MAP3K7CL: variants seen among roughly 807,000 people sequenced by gnomAD.
The protein encoded by MAP3K7CL is MAP3K7 C-terminal like.
MAP3K7CL carries 16 observed loss-of-function variants against 18.6 expected under a neutral mutation model. The ratio of observed to expected loss-of-function variants is 0.86; its 90% confidence interval spans 0.58 to 1.31. The LOEUF (loss-of-function observed/expected upper bound fraction) is 1.31. Ranked by LOEUF, MAP3K7CL falls within the 50% of genes most tolerant of loss-of-function variation. The probability of loss-of-function intolerance (pLI) is 0.00; values close to 1 mark genes in which losing one functional copy is unlikely to be tolerated. For synonymous variants in MAP3K7CL, 65 were observed against 66.8 expected, an observed-to-expected ratio of 0.97 and a Z score of 0.13; for missense variants, 163 against 174.4, an observed-to-expected ratio of 0.93 and a Z score of 0.37.
chr21:29,128,825 G>A (rs1180700430), upstream of MAP3K7CL, among the ~76,000 whole-genome samples: 3 of 152,118 alleles, frequency 2.0e-5, no homozygotes, highest in South Asian at 2.1e-4. Context: ...AAATGAGGTC[G>A]TGAATAAGAA....
At chr21:29,109,346 T>G in intron 4 of MAP3K7CL, 1 of 1,397,670 alleles carries the variant, frequency 7.2e-7, no homozygotes, top group Admixed American at 2.9e-5. Context: ...AATTTGATTT[T>G]CATTAGTAAT....
At chr21:29,168,957 T>C (rs1314601093) in intron 4 of MAP3K7CL, among the ~76,000 whole-genome samples, 4 of 152,194 alleles carry the variant, frequency 2.6e-5, no homozygotes, top group African/African-American at 9.7e-5. Flanking sequence ...TTAATTCTTG[T>C]CAGGTTGATT....
Position 29,092,473 on chromosome 21 carries a change from A to G in MAP3K7CL, c.262A>G (p.Met88Val), listed in dbSNP as rs142227725. The change falls in exon 4 of 7, where the codon ATG (methionine) becomes GTG (valine). Residue 88 changes from methionine (M) to valine (V), a missense_variant. Physicochemically the swap from Met to Val is conservative, Grantham distance 21. Coordinates refer to the MAP3K7CL transcript ENST00000286791. The stretch of plus-strand genomic sequence containing the variant: ...TTTATGCTCTGCAACAAGTTTGGCC[A>G]TGTTGGAGGACAATCCAAAGGTCAG... The G allele has an allele frequency of 5.5e-5, 88 of 1,614,226 alleles. 1 individual carries two copies. Among genetic ancestry groups the G allele is most frequent in the Admixed American group, 1.5e-4 (9 of 60,028 alleles).
chr21:29,131,759 A>C (rs2832204), intron 1 of MAP3K7CL, among the ~76,000 whole-genome samples: 7,680 of 152,248 alleles, frequency 0.05, 451 homozygotes, highest in East Asian at 0.17. Context: ...TATAAGCCTG[A>C]TCTTTTTTCA....
intron 4 of MAP3K7CL, among the ~76,000 whole-genome samples, chr21:29,172,903 T>C (rs561102957): frequency 2.1e-4 from 30 of 144,364 alleles, no homozygotes; most frequent in Admixed American, 1.6e-3. Flanking sequence ...TTGAATATTA[T>C]TGCTTTTCAG....
intron 4 of MAP3K7CL, among the ~76,000 whole-genome samples, chr21:29,102,081 A>G (rs1238356883): frequency 6.6e-6 from 1 of 152,238 alleles, no homozygotes. Flanking sequence ...AACAATCAAC[A>G]TCCCAGGGGC....
At position 29,159,999 on chromosome 21, in the gene MAP3K7CL, A is replaced by T. The variant is rs560128888; in HGVS notation, c.191A>T (p.Gln64Leu). Residue 64 changes from glutamine (Q) to leucine (L), a missense_variant, in exon 4 of 5, where the codon CAA becomes CTA. By Grantham distance (113) the Gln-to-Leu change is moderately radical. Coordinates refer to ENST00000399928, the MANE Select transcript of MAP3K7CL (RefSeq NM_001286620.2). ...ESMEVFKQHC[Q>L]IAEEYHEVKK... ...ATGGAGGTGTTCAAACAGCACTGCCAAATAGCAGAAGAATACCATGAGGTC... is the reference window on the plus strand; with the variant it reads ...ATGGAGGTGTTCAAACAGCACTGCCTAATAGCAGAAGAATACCATGAGGTC... 5.0e-6 allele frequency: 8 copies of T among 1,614,130 alleles called. No homozygotes were observed. In the African/African-American group the frequency reaches 1.1e-4, roughly 22 times the overall value.
intron 3 of MAP3K7CL, among the ~76,000 whole-genome samples, chr21:29,151,932 C>T (rs1181317808): frequency 1.3e-5 from 2 of 152,196 alleles, no homozygotes; most frequent in East Asian, 1.9e-4. Context: ...ATTTCATCTT[C>T]ATTGATCTTT....
At chr21:29,106,957 T>C (rs1221155001) in intron 4 of MAP3K7CL, among the ~76,000 whole-genome samples, 1 of 152,202 alleles carries the variant, frequency 6.6e-6, no homozygotes, top group Non-Finnish European at 1.5e-5. Flanking sequence ...GGCAGGCCTG[T>C]GTAGGGCTTT....
At position 29,133,299 on chromosome 21, in the gene MAP3K7CL, G is replaced by A. The variant is rs141077072; in HGVS notation, c.-39-7G>A. 125 of 1,548,740 alleles carry A rather than the reference G, an allele frequency of 8.1e-5. 1 individual carries two copies. The African/African-American group carries it at 1.5e-3, about 18-fold the overall frequency. On this transcript the variant is annotated splice_region_variant and splice_polypyrimidine_tract_variant and intron_variant, in intron 1 of 4. Coordinates refer to ENST00000399928, the MANE Select transcript of MAP3K7CL (RefSeq NM_001286620.2). ...AAAGTGACAATGGCTCTCTCTTGCT[G>A]TCACAGCTGGAAGACCCAGGAGAAG... is the stretch of plus-strand genomic sequence containing the variant.
intron 4 of MAP3K7CL, among the ~76,000 whole-genome samples, chr21:29,095,441 G>A (rs67861640): frequency 6.6e-6 from 1 of 152,126 alleles, no homozygotes; most frequent in Non-Finnish European, 1.5e-5. Context: ...GGGGATAAGG[G>A]GAATGTGGGG....
chr21:29,119,586 T>C (rs1427552242), intron 4 of MAP3K7CL, among the ~76,000 whole-genome samples: 2 of 152,158 alleles, frequency 1.3e-5, no homozygotes, highest in African/African-American at 2.4e-5. Flanking sequence ...GCTTTCTCTT[T>C]CCTGGTTTAC....
chr21:29,169,839 C>G (rs1294303181), intron 4 of MAP3K7CL, among the ~76,000 whole-genome samples: 1 of 152,164 alleles, frequency 6.6e-6, no homozygotes, highest in Non-Finnish European at 1.5e-5. Context: ...AAAAACCTTT[C>G]CAGGCATGTG....
chr21:29,143,348 GTGGGCT>G (rs2087050145), intron 2 of MAP3K7CL, among the ~76,000 whole-genome samples: 1 of 152,074 alleles, frequency 6.6e-6, no homozygotes, highest in East Asian at 1.9e-4. Context: ...GGGGAGTGGA[GTGGGCT>G]TGGGAATGTC....
intron 4 of MAP3K7CL, 110 bp downstream of exon 4, chr21:29,160,166 G>T: frequency 1.4e-6 from 1 of 716,496 alleles, no homozygotes; most frequent in Non-Finnish European, 2.3e-6. Context: ...AGGCAAGGGG[G>T]TTACAGCAAT....
chr21:29,107,468 G>A (rs778994192), intron 4 of MAP3K7CL, among the ~76,000 whole-genome samples: 2 of 152,082 alleles, frequency 1.3e-5, no homozygotes, highest in African/African-American at 2.4e-5. Context: ...TTTTGTTTCC[G>A]CAGGAAAAGT....
intron 4 of MAP3K7CL, among the ~76,000 whole-genome samples, chr21:29,121,803 A>AT (rs1207351369): frequency 6.6e-6 from 1 of 151,844 alleles, no homozygotes; most frequent in East Asian, 1.9e-4. Flanking sequence ...AGAGGCTTGT[A>AT]TTCATGGATA....
intron 4 of MAP3K7CL, among the ~76,000 whole-genome samples, chr21:29,121,323 A>G (rs1435009783): frequency 1.3e-5 from 2 of 152,086 alleles, no homozygotes; most frequent in African/African-American, 4.8e-5. Flanking sequence ...TGAAGCTAAA[A>G]TAAAGAAAGC....
intron 2 of MAP3K7CL, among the ~76,000 whole-genome samples, chr21:29,144,738 T>C (rs1232179219): frequency 1.3e-5 from 2 of 152,234 alleles, no homozygotes; most frequent in Non-Finnish European, 2.9e-5. Flanking sequence ...CTAGCTATCA[T>C]TGCTAAATAA....
Sources: gnomAD v4.1 joint callset for allele counts (sites outside exome capture counted in the v4.1 genomes callset) on GRCh38, gnomAD v4.1.1 for gene constraint, MANE v1.5 for transcripts, NCBI Gene and HGNC (gene_info 2026-07-23, HGNC 2026-07-21) for gene names.